ZNF804B: variants seen among roughly 807,000 people sequenced by gnomAD.
The protein encoded by ZNF804B is zinc finger 804B.
Under a neutral mutation model 101.4 loss-of-function variants are expected in ZNF804B, and 80 were observed. The observed-to-expected ratio is 0.79, with a 90% confidence interval of 0.66 to 0.95. The LOEUF is 0.95. Among genes scored for constraint, ZNF804B ranks in the 40% least tolerant of loss-of-function variants. The pLI is 0.00. For synonymous variants in ZNF804B, 622 were observed against 558.8 expected (o/e 1.11, Z -1.59); for missense variants, 1,673 against 1,561.9 (o/e 1.07, Z -1.20).
intron 1 of ZNF804B, among the ~76,000 whole-genome samples, chr7:89,014,407 C>A (rs1269873455): frequency 6.6e-6 from 1 of 152,066 alleles, no homozygotes; most frequent in African/African-American, 2.4e-5. Context: ...AGCTCCGCCT[C>A]CTGGGTTCAT....
chr7:88,783,639 A>C (rs1790260443), intron 1 of ZNF804B, among the ~76,000 whole-genome samples: 1 of 152,196 alleles, frequency 6.6e-6, no homozygotes, highest in African/African-American at 2.4e-5. Context: ...GTTCAGAGAA[A>C]CAGGGAAAGA....
At chr7:88,892,213 A>G (rs1187214616) in intron 1 of ZNF804B, among the ~76,000 whole-genome samples, 1 of 152,046 alleles carries the variant, frequency 6.6e-6, no homozygotes, top group Non-Finnish European at 1.5e-5. Flanking sequence ...TTTATTTTCT[A>G]ATTTGTATGA....
Position 89,291,204 on chromosome 7 carries a change from C to T in ZNF804B, c.250-36140C>T, listed in dbSNP as rs115752555. Among the ~76,000 whole-genome samples the T allele has an allele frequency of 7.0e-3, 1,061 of 152,244 alleles. 18 individuals carry two copies. The highest frequency in any genetic ancestry group is 0.024 in the African/African-American group (1,005 of 41,546). Reference sequence around the variant, plus strand: ...GACTGTGAAGAATACAATGAGTACCCAACCCTTCAATGCCCAGACACTGAC... The same window carrying T: ...GACTGTGAAGAATACAATGAGTACCTAACCCTTCAATGCCCAGACACTGAC... On this transcript the variant is annotated intron_variant, in intron 2 of 3. Coordinates refer to ENST00000333190, the MANE Select transcript of ZNF804B (RefSeq NM_181646.5).
chr7:89,065,424 A>G (rs1473985754), intron 1 of ZNF804B, among the ~76,000 whole-genome samples: 1 of 151,988 alleles, frequency 6.6e-6, no homozygotes, highest in Admixed American at 6.6e-5. Context: ...GATGCATCGT[A>G]TGTATTTTTT....
chr7:89,335,117 T>C lies in ZNF804B; in HGVS notation c.2135T>C (p.Leu712Ser), dbSNP rs1791055342. The C allele has an allele frequency of 3.1e-6, 5 of 1,613,860 alleles. No homozygotes were observed. The African/African-American group carries it at 4.0e-5, about 13-fold the overall frequency. Residue 712 changes from leucine to serine, a missense_variant, in exon 4 of 4, where the codon TTG becomes TCG. Physicochemically the swap from Leu to Ser is moderately radical, Grantham distance 145 (BLOSUM62 -2). Coordinates refer to ENST00000333190, the MANE Select transcript of ZNF804B (RefSeq NM_181646.5). ...TGTTTGAGTAGATATTCTTCCTCTT[T>C]GGACACATCCCCTAGCAGCATGTCT... ...QSCLSRYSSSLDTSPSSMSSL... is the reference protein window; with the variant it reads ...QSCLSRYSSSSDTSPSSMSSL...
intron 1 of ZNF804B, among the ~76,000 whole-genome samples, chr7:89,113,969 AT>A (rs1790263451): frequency 6.6e-6 from 1 of 152,128 alleles, no homozygotes; most frequent in South Asian, 2.1e-4. Flanking sequence ...ATTAAAAGGA[AT>A]TTCCTTCCAG....
At chr7:88,952,103 G>A (rs1253027041) in intron 1 of ZNF804B, among the ~76,000 whole-genome samples, 1 of 151,794 alleles carries the variant, frequency 6.6e-6, no homozygotes, top group African/African-American at 2.4e-5. Context: ...AAATGTGGCT[G>A]TTCTTTGGCA....
At chr7:89,162,130 G>GT (rs1791074445) in intron 1 of ZNF804B, among the ~76,000 whole-genome samples, 1 of 144,032 alleles carries the variant, frequency 6.9e-6, no homozygotes, top group Non-Finnish European at 1.6e-5. Flanking sequence ...CTTTTCAGGG[G>GT]CGGGGGGAAG....
intron 2 of ZNF804B, among the ~76,000 whole-genome samples, chr7:89,251,135 AAAG>A (rs1789533996): frequency 1.3e-5 from 2 of 152,202 alleles, no homozygotes; most frequent in Admixed American, 6.5e-5. Flanking sequence ...CCAAAGAAGT[AAAG>A]AAGAAGTCAA....
At chr7:88,986,909 G>A (rs1170528544) in intron 1 of ZNF804B, among the ~76,000 whole-genome samples, 1 of 151,952 alleles carries the variant, frequency 6.6e-6, no homozygotes. Flanking sequence ...GTTTTGTTTT[G>A]TTTTGTTTTA....
At chr7:88,991,450 C>G (rs1055126951) in intron 1 of ZNF804B, among the ~76,000 whole-genome samples, 2 of 152,154 alleles carry the variant, frequency 1.3e-5, no homozygotes, top group African/African-American at 2.4e-5. Flanking sequence ...CTGGGCTTGA[C>G]TCTGTGACGC....
intron 1 of ZNF804B, among the ~76,000 whole-genome samples, chr7:88,789,180 G>A (rs1586902842): frequency 6.6e-6 from 1 of 151,970 alleles, no homozygotes; most frequent in African/African-American, 2.4e-5. Context: ...ATGGTAATAA[G>A]AACTAGTTTT....
chr7:88,943,494 T>C (rs1793084587), intron 1 of ZNF804B, among the ~76,000 whole-genome samples: 1 of 151,926 alleles, frequency 6.6e-6, no homozygotes, highest in African/African-American at 2.4e-5. Flanking sequence ...TAAATTAAAT[T>C]TGTAATAAAA....
intron 1 of ZNF804B, among the ~76,000 whole-genome samples, chr7:88,995,866 C>T (rs1283329894): frequency 6.6e-6 from 1 of 151,990 alleles, no homozygotes; most frequent in Non-Finnish European, 1.5e-5. Context: ...AACTTTATAA[C>T]CCTAGCTTAA....
chr7:89,201,678 T>G (rs1232454087), intron 1 of ZNF804B, among the ~76,000 whole-genome samples: 1 of 152,046 alleles, frequency 6.6e-6, no homozygotes, highest in African/African-American at 2.4e-5. Flanking sequence ...TAATATACTC[T>G]CTAAAGTTTG....
chr7:89,179,534 T>C (rs1041624725), intron 1 of ZNF804B, among the ~76,000 whole-genome samples: 6 of 152,232 alleles, frequency 3.9e-5, no homozygotes, highest in Non-Finnish European at 8.8e-5. Context: ...TATAATTAAT[T>C]CCTAATCTGT....
At chr7:88,801,081 G>A (rs552405876) in intron 1 of ZNF804B, among the ~76,000 whole-genome samples, 2 of 151,912 alleles carry the variant, frequency 1.3e-5, no homozygotes, top group South Asian at 4.1e-4. Context: ...ATAGGTTTTT[G>A]GGGAACAGGT....
intron 1 of ZNF804B, among the ~76,000 whole-genome samples, chr7:89,085,082 A>G (rs1183017685): frequency 6.6e-6 from 1 of 151,926 alleles, no homozygotes; most frequent in Non-Finnish European, 1.5e-5. Flanking sequence ...TCTTTAGGTT[A>G]ATCTTTCCAA....
chr7:88,947,685 A>G (rs1204658858), intron 1 of ZNF804B, among the ~76,000 whole-genome samples: 2 of 151,936 alleles, frequency 1.3e-5, no homozygotes, highest in Non-Finnish European at 2.9e-5. Flanking sequence ...AAGAAAAAAA[A>G]ACTTAAAAGA....
Sources: gnomAD v4.1 joint callset for allele counts (sites outside exome capture counted in the v4.1 genomes callset) on GRCh38, gnomAD v4.1.1 for gene constraint, MANE v1.5 for transcripts, NCBI Gene and HGNC (gene_info 2026-07-23, HGNC 2026-07-21) for gene names.